HOXC4: variants seen among roughly 807,000 people sequenced by gnomAD.
HOXC4 encodes homeobox C4, also known as homeobox protein Hox-C4.
A neutral mutation model predicts 25.5 loss-of-function variants in HOXC4; 15 were observed. The ratio of observed to expected loss-of-function variants is 0.59; its 90% confidence interval spans 0.39 to 0.91. The LOEUF (loss-of-function observed/expected upper bound fraction) is 0.91. HOXC4 is among the 40% of genes least tolerant of loss of function. HOXC4 has a pLI of 0.00. For missense variants in HOXC4, 342 were observed against 352.4 expected, an observed-to-expected ratio of 0.97 and a Z score of 0.24; for synonymous variants, 165 against 148.0, an observed-to-expected ratio of 1.11 and a Z score of -0.83.
chr12:54,040,376 T>C lies in HOXC4; in HGVS notation c.-123-12784T>C, dbSNP rs74563232. On this transcript the variant is annotated intron_variant, in intron 1 of 3. Transcript: ENST00000303406. ...GCTCTTCCCATCCGGCCCTGTTCCTTCCTCCCTCCCTCCCTTCCCACCACA... is the reference window on the plus strand; with the variant it reads ...GCTCTTCCCATCCGGCCCTGTTCCTCCCTCCCTCCCTCCCTTCCCACCACA... Among the ~76,000 whole-genome samples, 1,077 of 152,282 alleles carry C rather than the reference T, an allele frequency of 7.1e-3. 15 individuals are homozygous for C. Among genetic ancestry groups the C allele is most frequent in the African/African-American group, 0.025 (1,024 of 41,546 alleles).
rs779110369 is a variant in HOXC4 at position 54,033,967 on chromosome 12, G to A, written c.-124+16553G>A. ...TCCAGCGACTCGGGAGGGGCGGGAG[G>A]GGGGTCCCCGGTGCTCGGATCTCGA... On this transcript the variant is annotated intron_variant, in intron 1 of 3. Coordinates refer to the HOXC4 transcript ENST00000303406. 58 of 546,176 alleles carry A rather than the reference G, an allele frequency of 1.1e-4. 1 individual carries two copies. The highest frequency in any genetic ancestry group is 1.7e-4 in the Non-Finnish European group (49 of 285,842). The allele number at this position is 546,176 out of a possible 1,614,324, so 33.8% of individuals were successfully genotyped here.
chr12:54,033,232 G>A, intron 1 of HOXC4: 1 of 1,614,188 alleles, frequency 6.2e-7, no homozygotes, highest in African/African-American at 1.3e-5. Context: ...CAGGCATCCA[G>A]GTACTGCTAC....
chr12:54,033,421 G>C (rs1161820800), intron 1 of HOXC4: 3 of 1,607,264 alleles, frequency 1.9e-6, no homozygotes, highest in Non-Finnish European at 2.5e-6. Context: ...GGGATGTACA[G>C]TCAGAAGGCG....
chr12:54,043,281 C>A (rs1316589116), intron 1 of HOXC4, among the ~76,000 whole-genome samples: 1 of 152,184 alleles, frequency 6.6e-6, no homozygotes, highest in Non-Finnish European at 1.5e-5. Context: ...TGATCTGCAA[C>A]CCCATATGGG....
At chr12:54,029,819 T>A (rs1454092847) in intron 1 of HOXC4, 1 of 1,613,882 alleles carries the variant, frequency 6.2e-7, no homozygotes, top group Non-Finnish European at 8.5e-7. Flanking sequence ...CAAAATCTGG[T>A]TCCAGAACCG....
chr12:54,039,267 T>C (rs1941233610), intron 1 of HOXC4, among the ~76,000 whole-genome samples: 1 of 152,092 alleles, frequency 6.6e-6, no homozygotes. Context: ...GAGGTGCTGT[T>C]GGGGGATGAG....
chr12:54,048,960 C>T (rs2136462808), upstream of HOXC4, among the ~76,000 whole-genome samples: 1 of 152,306 alleles, frequency 6.6e-6, no homozygotes, highest in African/African-American at 2.4e-5. Context: ...TGCATCCACA[C>T]ATCAGAATTT....
At chr12:54,034,244 C>T (rs746837327) in intron 1 of HOXC4, 1 of 1,577,452 alleles carries the variant, frequency 6.3e-7, no homozygotes, top group Non-Finnish European at 8.7e-7. Context: ...AGCTATTCAC[C>T]CCTTCCTGGC....
At chr12:54,052,979 C>T (rs1358015554), upstream of HOXC4, among the ~76,000 whole-genome samples, 3 of 152,146 alleles carry the variant, frequency 2.0e-5, no homozygotes, top group Non-Finnish European at 4.4e-5. Flanking sequence ...CCTCCTTGCC[C>T]CAGCTCCTTG....
chr12:54,034,136 C>A, intron 1 of HOXC4: 1 of 828,008 alleles, frequency 1.2e-6, no homozygotes, highest in Admixed American at 1.9e-5. Context: ...TGGGCTGGCC[C>A]GCCTGCGGCC....
At chr12:54,042,536 GTCGT>G (rs1484141246) in intron 1 of HOXC4, among the ~76,000 whole-genome samples, 3 of 152,182 alleles carry the variant, frequency 2.0e-5, no homozygotes, top group African/African-American at 7.2e-5. Flanking sequence ...CTTTTTGACT[GTCGT>G]TCTCTGTAAC....
upstream of HOXC4, among the ~76,000 whole-genome samples, chr12:54,049,115 G>A (rs1394950906): frequency 2.0e-5 from 3 of 152,226 alleles, no homozygotes; most frequent in Non-Finnish European, 4.4e-5. Context: ...GGAGGAAGGT[G>A]GTGGGGAACC....
In HOXC4 at chr12:54,054,036, C is replaced by T. The variant is rs1344048309; in HGVS notation, c.114C>T (p.Gly38=). 1.9e-6 allele frequency: 3 copies of T among 1,613,376 alleles called. No individual in the cohort carries two copies. Among genetic ancestry groups the T allele is most frequent in the Non-Finnish European group, 2.5e-6 (3 of 1,179,400 alleles). Residue 38 remains glycine (G), a synonymous_variant, in exon 1 of 2, where the codon GGC becomes GGT. Transcript: ENST00000430889. Reference sequence around the variant, plus strand: ...CTGAACACAGTCCGGAATATTACGGCCGGACCAGGGAATCGGGATTCCAGC... The same window carrying T: ...CTGAACACAGTCCGGAATATTACGGTCGGACCAGGGAATCGGGATTCCAGC... The part of the protein sequence containing the change: ...YIPEHSPEYY[G]RTRESGFQHH...
At chr12:54,034,129 G>A (rs1941107158) in intron 1 of HOXC4, 5 of 783,900 alleles carry the variant, frequency 6.4e-6, no homozygotes, top group Admixed American at 1.9e-5. Context: ...GCTGGGCTGG[G>A]CTGGCCCGCC....
rs187830096 is a variant in HOXC4, at chr12:54,042,810, C to G, written c.-123-10350C>G. On this transcript the variant is annotated intron_variant, in intron 1 of 3. Coordinates refer to the HOXC4 transcript ENST00000303406. Reference sequence around the variant, plus strand: ...CCAAGAAAGTCACATCCTTTCCTACCCCTCCCAACTTTTATTGGCTCCTTG... The same window carrying G: ...CCAAGAAAGTCACATCCTTTCCTACGCCTCCCAACTTTTATTGGCTCCTTG... Among the ~76,000 whole-genome samples the G allele has an allele frequency of 3.9e-5, 6 of 152,250 alleles. No individual in the cohort carries two copies. The East Asian group carries it at 1.2e-3, about 29-fold the overall frequency.
At chr12:54,025,527 TGG>T (rs999135770) in intron 1 of HOXC4, among the ~76,000 whole-genome samples, 6 of 12,696 alleles carry the variant, frequency 4.7e-4, no homozygotes, top group Non-Finnish European at 1.7e-3. Flanking sequence ...GAAAGGTAAT[TGG>T]GGGGGGGGGA....
chr12:54,025,707 G>A (rs182192382), intron 1 of HOXC4, among the ~76,000 whole-genome samples: 195 of 152,088 alleles, frequency 1.3e-3, no homozygotes, highest in African/African-American at 4.6e-3. Context: ...CTCTGTTTAG[G>A]GACGTCATAA....
chr12:54,034,310 A>C, intron 1 of HOXC4: 1 of 1,614,068 alleles, frequency 6.2e-7, no homozygotes. Context: ...AACCAGTTAC[A>C]CGCGCTACCA....
At chr12:54,053,827 G>A, upstream of HOXC4, 1 of 937,444 alleles carries the variant, frequency 1.1e-6, no homozygotes. Flanking sequence ...GAGTCACATG[G>A]TGAAAGTAAC....
Sources: gnomAD v4.1 joint callset for allele counts (sites outside exome capture counted in the v4.1 genomes callset) on GRCh38, gnomAD v4.1.1 for gene constraint, MANE v1.5 for transcripts, NCBI Gene and HGNC (gene_info 2026-07-23, HGNC 2026-07-21) for gene names.